The following IL1RAPL1 variants were observed in gnomAD, a reference collection of about 807,000 sequenced individuals.
IL1RAPL1 encodes interleukin-1 receptor accessory protein-like 1.
In IL1RAPL1, 3 loss-of-function variants were observed where a neutral mutation model predicts 48.4. The observed-to-expected ratio is 0.06, with a 90% CI of 0.03 to 0.16. IL1RAPL1 has a LOEUF of 0.16. Among genes scored for constraint, IL1RAPL1 ranks in the 10% least tolerant of loss-of-function variants. The pLI, the probability that IL1RAPL1 is intolerant of heterozygous loss-of-function variation, is 1.00. For synonymous variants in IL1RAPL1, 185 were observed against 187.7 expected (o/e 0.99, Z 0.12); for missense variants, 349 against 530.6 (o/e 0.66, Z 3.36).
At chrX:29,647,262 A>G (rs1925361786) in intron 5 of IL1RAPL1, among the ~76,000 whole-genome samples, 1 of 107,643 alleles carries the variant, frequency 9.3e-6, no homozygotes, top group Non-Finnish European at 1.9e-5. Context: ...AGGCAGGAGA[A>G]TTGCTTGAAC....
Position 29,517,868 on chromosome X carries a change from A to G in IL1RAPL1, c.703+118560A>G, listed in dbSNP as rs1200479199. Among the ~76,000 whole-genome samples, 4 of 111,965 alleles carry G rather than the reference A, an allele frequency of 3.6e-5. No individual in the cohort carries two copies. The Admixed American group carries it at 3.8e-4, about 11-fold the overall frequency. ...CTCTATTTTTTAAATGATGAAGTAG[A>G]AATTCTGTCTTTTATGAACTTCTGC... On this transcript the variant is annotated intron_variant, in intron 5 of 10. Transcript: ENST00000378993.
intron 6 of IL1RAPL1, among the ~76,000 whole-genome samples, chrX:29,801,062 A>C (rs1376763591): frequency 5.6e-5 from 5 of 88,653 alleles, no homozygotes; most frequent in African/African-American, 2.1e-4. Flanking sequence ...AAAAAAAAAA[A>C]AAAAAAAAAA....
intron 2 of IL1RAPL1, among the ~76,000 whole-genome samples, chrX:29,165,496 T>G (rs916114094): frequency 1.8e-5 from 2 of 112,080 alleles, no homozygotes; most frequent in Non-Finnish European, 3.8e-5. Context: ...AGTTTAATTT[T>G]CACTGTTCCT....
intron 6 of IL1RAPL1, among the ~76,000 whole-genome samples, chrX:29,739,471 ACTCT>A (rs1331004407): frequency 9.0e-6 from 1 of 111,007 alleles, no homozygotes; most frequent in Non-Finnish European, 1.9e-5. Flanking sequence ...CAGGGTCATA[ACTCT>A]CTCTCTTTCA....
At chrX:29,015,475 G>A (rs1208504493) in intron 2 of IL1RAPL1, among the ~76,000 whole-genome samples, 1 of 110,680 alleles carries the variant, frequency 9.0e-6, no homozygotes, top group East Asian at 2.8e-4. Context: ...CCATGAGTAA[G>A]TTGAAATATA....
intron 2 of IL1RAPL1, among the ~76,000 whole-genome samples, chrX:28,830,954 G>A (rs1393573153): frequency 1.0e-5 from 1 of 98,392 alleles, no homozygotes; most frequent in Non-Finnish European, 2.0e-5. Context: ...TTTTAAAAAT[G>A]CCTTGAACCA....
At chrX:29,140,607 A>G in intron 2 of IL1RAPL1, among the ~76,000 whole-genome samples, 1 of 112,213 alleles carries the variant, frequency 8.9e-6, no homozygotes, top group East Asian at 2.8e-4. Context: ...CTGTTAAATT[A>G]TCTCAGTCCA....
intron 2 of IL1RAPL1, among the ~76,000 whole-genome samples, chrX:29,159,529 C>T (rs6630816): frequency 8.2e-4 from 91 of 111,349 alleles, no homozygotes; most frequent in African/African-American, 2.1e-3. Context: ...TTTAATATGC[C>T]GAGGGTCATA....
intron 3 of IL1RAPL1, among the ~76,000 whole-genome samples, chrX:29,301,811 G>A (rs4893560): frequency 0.5 from 54,479 of 109,542 alleles, 10,958 homozygotes; most frequent in Non-Finnish European, 0.64. Flanking sequence ...ACAAAGAGCT[G>A]TTGCAACCAG....
At chrX:29,073,226 G>T (rs971540788) in intron 2 of IL1RAPL1, among the ~76,000 whole-genome samples, 2 of 111,882 alleles carry the variant, frequency 1.8e-5, no homozygotes, top group African/African-American at 6.5e-5. Context: ...TACATTATCA[G>T]TAGATAATAG....
At chrX:29,423,782 T>C (rs758500504) in intron 5 of IL1RAPL1, among the ~76,000 whole-genome samples, 6 of 111,770 alleles carry the variant, frequency 5.4e-5, no homozygotes, top group South Asian at 3.8e-4. Context: ...ACCTTGCATA[T>C]ACTATCTAAT....
rs768332451 is a variant in IL1RAPL1 at position 29,955,301 on chromosome X, G to A, written c.1572G>A (p.Val524=). Residue 524 remains valine (V), a synonymous_variant, in exon 11 of 11, where the codon GTG becomes GTA. Transcript: ENST00000378993. The part of the protein sequence containing the change: ...ELRGIMNYQE[V]EALKHTIKLL... ...GAGGAATTATGAACTACCAGGAGGT[G>A]GAGGCCCTGAAGCACACCATCAAGC... 1.1e-5 allele frequency: 13 copies of A among 1,209,367 alleles called. No individual in the cohort carries two copies. In the East Asian group the frequency reaches 3.9e-4, roughly 36 times the overall value.
chrX:28,684,744 T>G (rs1275064202), intron 1 of IL1RAPL1, among the ~76,000 whole-genome samples: 1 of 112,005 alleles, frequency 8.9e-6, no homozygotes, highest in African/African-American at 3.2e-5. Flanking sequence ...GGTTCTTAGC[T>G]ATTAACTAAG....
At chrX:29,898,236 C>T (rs1745538108) in intron 6 of IL1RAPL1, among the ~76,000 whole-genome samples, 2 of 111,933 alleles carry the variant, frequency 1.8e-5, no homozygotes, top group South Asian at 3.7e-4. Flanking sequence ...TCACAAGAAT[C>T]GTAGTTATGT....
chrX:29,323,478 T>C (rs1286593820), intron 3 of IL1RAPL1, among the ~76,000 whole-genome samples: 1 of 105,396 alleles, frequency 9.5e-6, no homozygotes, highest in Non-Finnish European at 1.9e-5. Context: ...TAGTATTCTC[T>C]GTTTTCTTTC....
intron 5 of IL1RAPL1, among the ~76,000 whole-genome samples, chrX:29,480,089 T>C (rs1935023071): frequency 9.2e-6 from 1 of 108,796 alleles, no homozygotes; most frequent in African/African-American, 3.4e-5. Context: ...AATCAATCTT[T>C]CTTTGTCCTC....
In IL1RAPL1 at chrX:29,766,356, TATATATAGATAG is replaced by T. The variant is rs1237657703; in HGVS notation, c.778+97856_778+97867del. On this transcript the variant is annotated intron_variant, in intron 6 of 10. Coordinates refer to ENST00000378993, the MANE Select transcript of IL1RAPL1 (RefSeq NM_014271.4). ...AAAAAAAAAAAAATATATATATATA[TATATATAGATAG>T]ATAGATAGATAGATAGATATTTTTA... Among the ~76,000 whole-genome samples, 388 of 77,031 alleles carry T rather than the reference TATATATAGATAG, an allele frequency of 5.0e-3. 15 individuals are homozygous for T. The highest frequency in any genetic ancestry group is 0.014 in the African/African-American group (252 of 18,482). The allele number at this position is 77,031 out of a possible 115,157, so 66.9% of individuals were successfully genotyped here.
At chrX:28,759,717 T>C (rs922866412) in intron 1 of IL1RAPL1, among the ~76,000 whole-genome samples, 6 of 111,828 alleles carry the variant, frequency 5.4e-5, no homozygotes, top group Admixed American at 4.8e-4. Flanking sequence ...ATCACCCTTT[T>C]GCAGCCCATA....
intron 1 of IL1RAPL1, among the ~76,000 whole-genome samples, chrX:28,769,553 T>C (rs1405385449): frequency 8.9e-6 from 1 of 112,046 alleles, no homozygotes; most frequent in African/African-American, 3.2e-5. Context: ...CAAGGACATA[T>C]TGAAAATAGT....
Sources: allele counts gnomAD v4.1 joint callset (sites outside exome capture counted in the v4.1 genomes callset), GRCh38; gene constraint gnomAD v4.1.1; transcripts MANE v1.5; gene names NCBI Gene and HGNC (gene_info 2026-07-23, HGNC 2026-07-21).